FBRSL1: variants seen among roughly 807,000 people sequenced by gnomAD.
The protein encoded by FBRSL1 is fibrosin-1-like protein.
In FBRSL1, 51 loss-of-function variants were observed where a neutral mutation model predicts 89.6. That is an observed-to-expected ratio of 0.57 (90% confidence interval 0.45 to 0.72). The LOEUF (loss-of-function observed/expected upper bound fraction) is 0.72. Among genes scored for constraint, FBRSL1 ranks in the 30% least tolerant of loss-of-function variants. FBRSL1 has a pLI of 0.00. For synonymous variants in FBRSL1, 779 were observed against 681.1 expected (o/e 1.14, Z -2.24); for missense variants, 1,618 against 1,451.8 (o/e 1.11, Z -1.86).
rs1054689550 is a variant in FBRSL1, at chr12:132,578,435, C to T, written c.1834+1504C>T. Among the ~76,000 whole-genome samples, 175 of 152,010 alleles carry T rather than the reference C, an allele frequency of 1.2e-3. 1 individual carries two copies. Among genetic ancestry groups the T allele is most frequent in the African/African-American group, 4.0e-3 (166 of 41,478 alleles). On this transcript the variant is annotated intron_variant, in intron 15 of 18. Coordinates refer to ENST00000680143, the MANE Select transcript of FBRSL1 (RefSeq NM_001367871.1). ...GAATCATCCTAAAGGTCTTCATCCT[C>T]GTCCTCACACGGAGTGGGCTGAGGA...
At chr12:132,551,175 C>T (rs981472664) in intron 5 of FBRSL1, 17 of 348,000 alleles carry the variant, frequency 4.9e-5, no homozygotes, top group South Asian at 1.7e-4. Flanking sequence ...GGGGGTGCTT[C>T]GCATCAGCAG....
intron 2 of FBRSL1, among the ~76,000 whole-genome samples, chr12:132,514,010 G>A (rs576822107): frequency 1.2e-4 from 19 of 152,306 alleles, no homozygotes; most frequent in African/African-American, 4.6e-4. Context: ...AATAGCCACA[G>A]TCCCTCCCCC....
chr12:132,566,902 C>T (rs117935352), intron 5 of FBRSL1, among the ~76,000 whole-genome samples: 1,773 of 152,294 alleles, frequency 0.012, 43 homozygotes, highest in East Asian at 0.11. Flanking sequence ...GTCCTGTGGG[C>T]GCTGGGCACC....
chr12:132,537,975 G>A (rs1032877543), intron 4 of FBRSL1, among the ~76,000 whole-genome samples: 27 of 152,268 alleles, frequency 1.8e-4, no homozygotes, highest in East Asian at 1.7e-3. Flanking sequence ...CGGAGAGCTC[G>A]GGGGAGGGGC....
Position 132,569,933 on chromosome 12 carries a change from G to T in FBRSL1, c.699G>T (p.Ala233=), listed in dbSNP as rs540395690. ...LFAPGTDKGP[A]LEKSEAKAGP... ...GCCACCCTCTCTCTGCAGGCCCAGC[G>T]CTTGAGAAGTCGGAGGCCAAGGCCG... The change falls in exon 7 of 19, where the codon GCG becomes GCT. Residue 233 remains alanine, a synonymous_variant. Coordinates refer to ENST00000680143, the MANE Select transcript of FBRSL1 (RefSeq NM_001367871.1). The T allele has an allele frequency of 1.3e-4, 186 of 1,409,748 alleles. No individual in the cohort carries two copies. In the African/African-American group the frequency reaches 2.7e-3, roughly 21 times the overall value. 87.3% of individuals were successfully genotyped at this position (1,409,748 alleles called of 1,614,324 possible).
rs1169189721 is a variant in FBRSL1 at position 132,546,149 on chromosome 12, G to A, written c.616-1854G>A. On this transcript the variant is annotated intron_variant, in intron 4 of 18. Coordinates refer to ENST00000680143, the MANE Select transcript of FBRSL1 (RefSeq NM_001367871.1). The surrounding 1 kb of genome is among the most constrained non-coding windows in gnomAD (Gnocchi z 4.0). ...AGCTTGTGGCTTTCCCCTGCCCCAC[G>A]TCCTGGTCTTTGCTTCCTTTGCTCC... Among the ~76,000 whole-genome samples, 8 of 152,218 alleles carry A rather than the reference G, an allele frequency of 5.3e-5. No homozygotes were observed. The highest frequency in any genetic ancestry group is 7.3e-5 in the Non-Finnish European group (5 of 68,042).
rs1256343467 is a variant in FBRSL1 at position 132,572,275 on chromosome 12, C to T, written c.1378-13C>T. On this transcript the variant is annotated splice_polypyrimidine_tract_variant and intron_variant, in intron 9 of 18. Coordinates refer to ENST00000680143, the MANE Select transcript of FBRSL1 (RefSeq NM_001367871.1). ...TGTGTGCGGGGCCTCACCCTCCTCT[C>T]CTTCCCTTCCAGTTTGACAAGTATG... 5 of 1,550,686 alleles carry T rather than the reference C, an allele frequency of 3.2e-6. No homozygotes were observed. The South Asian group carries it at 4.8e-5, about 15-fold the overall frequency.
intron 2 of FBRSL1, among the ~76,000 whole-genome samples, chr12:132,518,042 A>C (rs1396890255): frequency 6.6e-6 from 1 of 152,090 alleles, no homozygotes; most frequent in African/African-American, 2.4e-5. Flanking sequence ...CCACTCTGAC[A>C]CAGCATAGCT....
intron 2 of FBRSL1, among the ~76,000 whole-genome samples, chr12:132,514,771 C>T (rs531739241): frequency 6.6e-6 from 1 of 152,232 alleles, no homozygotes; most frequent in Admixed American, 6.5e-5. Context: ...TCTCCTAGGG[C>T]AGCACTGTTT....
chr12:132,567,119 A>G (rs986238929), intron 5 of FBRSL1, among the ~76,000 whole-genome samples: 2 of 152,128 alleles, frequency 1.3e-5, no homozygotes, highest in Non-Finnish European at 1.5e-5. Flanking sequence ...GCCCACAGCT[A>G]CTGGTGCTGG....
At chr12:132,565,948 G>T (rs116182309) in intron 5 of FBRSL1, 1,872 of 152,312 alleles carry the variant, frequency 0.012, 40 homozygotes, top group African/African-American at 0.043. Flanking sequence ...TCTTTTTGGG[G>T]TGATGATAAT....
At position 132,502,223 on chromosome 12, in the gene FBRSL1, G is replaced by T. The variant is rs567338727; in HGVS notation, c.292-5930G>T. ...CCACCTGCCAGCAATGGTGTGGTCCGTCCTTCTGGGGGCCCTTCTAGAATC... is the reference window on the plus strand; with the variant it reads ...CCACCTGCCAGCAATGGTGTGGTCCTTCCTTCTGGGGGCCCTTCTAGAATC... On this transcript the variant is annotated intron_variant, in intron 1 of 18. Coordinates refer to ENST00000680143, the MANE Select transcript of FBRSL1 (RefSeq NM_001367871.1). Among the ~76,000 whole-genome samples, 75 of 152,320 alleles carry T rather than the reference G, an allele frequency of 4.9e-4. 1 individual carries two copies. The highest frequency in any genetic ancestry group is 1.7e-3 in the African/African-American group (69 of 41,578).
Position 132,570,054 on chromosome 12 carries a change from T to C in FBRSL1, c.820T>C (p.Cys274Arg). ...CAGCCCCGCGCCCCATGCCGCGCCC[T>C]GCCCGGGGCCCCCGCCCGGCTCCCG... is the stretch of plus-strand genomic sequence containing the variant. ...TASPAPHAAP[C>R]PGPPPGSRAN... Residue 274 changes from cysteine (C) to arginine (R), a missense_variant, in exon 7 of 19, where the codon TGC becomes CGC. Cys to Arg is a radical substitution (Grantham distance 180, BLOSUM62 -3). Coordinates refer to ENST00000680143, the MANE Select transcript of FBRSL1 (RefSeq NM_001367871.1). 1 of 1,499,488 alleles carries C rather than the reference T, an allele frequency of 6.7e-7. No individual in the cohort carries two copies. Among genetic ancestry groups the C allele is most frequent in the East Asian group, 2.6e-5 (1 of 38,080 alleles). The allele number at this position is 1,499,488 out of a possible 1,614,324, so 92.9% of individuals were successfully genotyped here.
At position 132,490,332 on chromosome 12, in the gene FBRSL1, C is replaced by A. The variant is rs1274591723; in HGVS notation, c.-239C>A. On this transcript the variant is annotated 5_prime_UTR_variant, in exon 1 of 19. Transcript: ENST00000680143. The stretch of plus-strand genomic sequence containing the variant: ...GCCGAGGGCCGCTGAGCGCCGGGCC[C>A]GCCCCCGCCGATGCGCCCAGCCGCC... 6.9e-6 allele frequency: 1 copy of A among 144,302 alleles called. No homozygotes were observed. Among genetic ancestry groups the A allele is most frequent in the African/African-American group, 2.5e-5 (1 of 39,622 alleles). The allele number at this position is 144,302 out of a possible 1,614,324, so 8.9% of individuals were successfully genotyped here. A position where few individuals can be genotyped will look rare whatever the true frequency, so the allele number is the denominator to read the frequency against.
intron 6 of FBRSL1, among the ~76,000 whole-genome samples, chr12:132,567,744 G>A (rs1455528636): frequency 6.6e-6 from 1 of 152,124 alleles, no homozygotes; most frequent in African/African-American, 2.4e-5. Context: ...CCTGGGCTCC[G>A]CTCGTAGCAG....
chr12:132,509,125 G>A, intron 2 of FBRSL1: 6 of 1,233,330 alleles, frequency 4.9e-6, no homozygotes, highest in Non-Finnish European at 6.1e-6. Context: ...CGCGGGCGGT[G>A]ACACCTGCCC....
In FBRSL1 at chr12:132,583,705, T is replaced by TG. The variant is rs1409188976; in HGVS notation, c.2942dup (p.Leu982ProfsTer44). 13 of 1,195,344 alleles carry TG rather than the reference T, an allele frequency of 1.1e-5. No individual in the cohort carries two copies. The highest frequency in any genetic ancestry group is 1.3e-5 in the Non-Finnish European group (13 of 964,714). 74.0% of individuals were successfully genotyped at this position (1,195,344 alleles called of 1,614,324 possible). ...CCGCCGCGGAGCCGGACTACTCCGC[T>TG]GGGGGGCCTCGGGCCGGGCGAGGCG... On this transcript the variant is annotated frameshift_variant, in exon 19 of 19. Transcript: ENST00000680143. LOFTEE classifies it high-confidence loss of function.
chr12:132,574,372 G>C, intron 13 of FBRSL1, 24 bp downstream of exon 13: 1 of 1,549,886 alleles, frequency 6.5e-7, no homozygotes, highest in South Asian at 1.2e-5. Context: ...GGGAAGGCCC[G>C]TGGCAAGGGA....
chr12:132,583,477 A>G lies in FBRSL1; in HGVS notation c.2708A>G (p.Glu903Gly). 3 of 1,053,368 alleles carry G rather than the reference A, an allele frequency of 2.8e-6. No homozygotes were observed. Among genetic ancestry groups the G allele is most frequent in the Non-Finnish European group, 3.4e-6 (3 of 873,228 alleles). The allele number at this position is 1,053,368 out of a possible 1,614,324, so 65.3% of individuals were successfully genotyped here. Residue 903 changes from glutamate to glycine, a missense_variant, in exon 19 of 19, where the codon GAG (glutamate) becomes GGG (glycine). Transcript: ENST00000680143. ...CCCGAGCGCCTGCGCGGGGAGCTGG[A>G]GCGCGCGCGGGCCCCGCACCTGCCG... ...YSPERLRGEL[E>G]RARAPHLPPA...
Sources: allele counts gnomAD v4.1 joint callset (sites outside exome capture counted in the v4.1 genomes callset), GRCh38; gene constraint gnomAD v4.1.1; non-coding constraint Gnocchi (gnomAD v3.1); transcripts MANE v1.5; gene names NCBI Gene and HGNC (gene_info 2026-07-23, HGNC 2026-07-21).